USP42: variants seen among roughly 807,000 people sequenced by gnomAD.
USP42 encodes the protein ubiquitin specific peptidase 42.
USP42 carries 23 observed loss-of-function variants against 113.0 expected under a neutral mutation model. The observed-to-expected ratio is 0.20, with a 90% CI of 0.15 to 0.29. USP42 has a LOEUF of 0.29. Ranked by LOEUF, USP42 falls within the 10% of genes least tolerant of loss-of-function variation. The probability of loss-of-function intolerance (pLI) is 1.00; values close to 1 mark genes in which losing one functional copy is unlikely to be tolerated. For missense variants in USP42, 2,174 were observed against 1,779.8 expected, an observed-to-expected ratio of 1.22 and a Z score of -3.99; for synonymous variants, 933 against 699.0, an observed-to-expected ratio of 1.33 and a Z score of -5.28.
Position 6,158,770 on chromosome 7 carries a change from C to G in USP42, c.3944-680C>G, listed in dbSNP as rs539467163. Among the ~76,000 whole-genome samples, 1 of 152,306 alleles carries G rather than the reference C, an allele frequency of 6.6e-6. No individual in the cohort carries two copies. Among genetic ancestry groups the G allele is most frequent in the African/African-American group, 2.4e-5 (1 of 41,568 alleles). The stretch of plus-strand genomic sequence containing the variant: ...TGAGGGCTGCTTGGTACCCGAGGAT[C>G]CGAGGATGCAGTGGATGGGCTCATT... On this transcript the variant is annotated intron_variant, in intron 16 of 17. Coordinates refer to ENST00000306177, the MANE Select transcript of USP42 (RefSeq NM_032172.3). This position sits in a 1 kb window ranked among gnomAD's most constrained non-coding sequence, Gnocchi z 4.2.
chr7:6,089,279 C>G, the USP42 span, among the ~76,000 whole-genome samples: 1 of 148,092 alleles, frequency 6.8e-6, no homozygotes, highest in Non-Finnish European at 1.5e-5. Context: ...ATCTTGAACT[C>G]CTGATCTTAG....
chr7:6,119,157 G>T (rs1252075708), intron 3 of USP42, among the ~76,000 whole-genome samples: 1 of 152,128 alleles, frequency 6.6e-6, no homozygotes, highest in African/African-American at 2.4e-5. Context: ...TGAGGCTGCC[G>T]TGAGCTATGA....
chr7:6,126,220 G>T (rs1780533671), intron 3 of USP42, among the ~76,000 whole-genome samples: 1 of 151,856 alleles, frequency 6.6e-6, no homozygotes, highest in Admixed American at 6.6e-5. Context: ...ATTGATCCAG[G>T]TCGTTGCATG....
At chr7:6,100,313 G>T (rs1297354704), upstream of USP42, among the ~76,000 whole-genome samples, 1 of 148,582 alleles carries the variant, frequency 6.7e-6, no homozygotes, top group Non-Finnish European at 1.5e-5. Context: ...CCATTGCCTG[G>T]AGATTTATTT....
rs749248742 is a variant in USP42 at position 6,155,073 on chromosome 7, T to C, written c.3519T>C (p.His1173=). Reference sequence around the variant, plus strand: ...ACAGTGTGGAGAACAGTGACAGTCATGTTGAAAAGAAAGCCCGGAGGAGCG... The same window carrying C: ...ACAGTGTGGAGAACAGTGACAGTCACGTTGAAAAGAAAGCCCGGAGGAGCG... ...RHDSVENSDS[H]VEKKARRSEQ... Residue 1173 remains histidine (H), a synonymous_variant, in exon 15 of 18, where the codon CAT becomes CAC. Transcript: ENST00000306177. The C allele has an allele frequency of 7.9e-5, 123 of 1,563,218 alleles. No individual in the cohort carries two copies. Among genetic ancestry groups the C allele is most frequent in the Non-Finnish European group, 9.9e-5 (114 of 1,154,006 alleles).
At position 6,154,875 on chromosome 7, in the gene USP42, G is replaced by C. The variant is rs1260321063; in HGVS notation, c.3321G>C (p.Arg1107=). 3.9e-6 allele frequency: 6 copies of C among 1,529,022 alleles called. No homozygotes were observed. The highest frequency in any genetic ancestry group is 1.7e-4 in the Middle Eastern group (1 of 5,800). 94.7% of individuals were successfully genotyped at this position (1,529,022 alleles called of 1,614,324 possible). ...NRGRRGCEPA[R]ERERHRPSSP... The stretch of plus-strand genomic sequence containing the variant: ...GCCGTAGGGGCTGCGAGCCGGCCCG[G>C]GAGAGGGAGCGGCACCGCCCCAGCA... Residue 1107 remains arginine (R), a synonymous_variant, in exon 15 of 18, where the codon CGG becomes CGC. Transcript: ENST00000306177.
chr7:6,155,757 C>G (rs891553068), intron 15 of USP42, among the ~76,000 whole-genome samples: 1 of 152,052 alleles, frequency 6.6e-6, no homozygotes, highest in African/African-American at 2.4e-5. Flanking sequence ...AAATTTGCTT[C>G]TGTATTTTTT....
At chr7:6,113,054 C>T (rs1410350128) in intron 2 of USP42, among the ~76,000 whole-genome samples, 2 of 151,860 alleles carry the variant, frequency 1.3e-5, no homozygotes, top group Non-Finnish European at 2.9e-5. Context: ...CAGGTGCGCG[C>T]CACCATGCCC....
At chr7:6,084,141 C>T in the USP42 span, among the ~76,000 whole-genome samples, 1 of 151,260 alleles carries the variant, frequency 6.6e-6, no homozygotes, top group Non-Finnish European at 1.5e-5. Context: ...ATTCTCCTGC[C>T]TCAGCCTCCT....
upstream of USP42, among the ~76,000 whole-genome samples, chr7:6,100,501 TGTATTTTTA>T (rs1276491885): frequency 6.7e-6 from 1 of 150,374 alleles, no homozygotes; most frequent in East Asian, 1.9e-4. Flanking sequence ...GGCTAATTTT[TGTATTTTTA>T]GTAGAGACGG....
intron 3 of USP42, among the ~76,000 whole-genome samples, chr7:6,123,982 C>T (rs1780382257): frequency 6.6e-6 from 1 of 151,932 alleles, no homozygotes. Context: ...TTCAACTCTG[C>T]CTCCTGCCTC....
chr7:6,154,644 G>T lies in USP42; in HGVS notation c.3090G>T (p.Leu1030=). 6.2e-7 allele frequency: 1 copy of T among 1,605,438 alleles called. No homozygotes were observed. The change falls in exon 15 of 18, where the codon CTG becomes CTT. Residue 1030 remains leucine, a synonymous_variant. Coordinates refer to ENST00000306177, the MANE Select transcript of USP42 (RefSeq NM_032172.3). ...CCCGACACCGGAGCGGGGTGGAGCT[G>T]GACTGGGTCAGACACCACTACACCG... The part of the protein sequence containing the change: ...HHSRHRSGVE[L]DWVRHHYTEG...
At chr7:6,153,583 T>C (rs954366087) in intron 14 of USP42, among the ~76,000 whole-genome samples, 173 bp from the exon 15 acceptor site, 5 of 152,168 alleles carry the variant, frequency 3.3e-5, no homozygotes, top group Non-Finnish European at 7.4e-5. Context: ...CGTATACATA[T>C]GTAACTAACC....
At chr7:6,130,493 G>A (rs1046143181) in intron 3 of USP42, among the ~76,000 whole-genome samples, 6 of 152,232 alleles carry the variant, frequency 3.9e-5, no homozygotes, top group African/African-American at 1.2e-4. Flanking sequence ...ACTACTGGGT[G>A]GGTGGAAATC....
intron 14 of USP42, chr7:6,152,965 A>T (rs577297995): frequency 2.0e-6 from 2 of 985,336 alleles, no homozygotes; most frequent in East Asian, 2.3e-4. Context: ...AGTCTTAGTT[A>T]TTAGGAAGAA....
chr7:6,159,211 G>A lies in USP42; in HGVS notation c.3944-239G>A, dbSNP rs537119107. ...GGCCTGATATCTGTTCTAACATCAG[G>A]CTGCGTGTGGGTTGGATGGAGCCCT... On this transcript the variant is annotated intron_variant, in intron 16 of 17. Coordinates refer to ENST00000306177, the MANE Select transcript of USP42 (RefSeq NM_032172.3). This position sits in a 1 kb window ranked among gnomAD's most constrained non-coding sequence, Gnocchi z 4.1. 6.6e-6 allele frequency among the ~76,000 whole-genome samples: 1 copy of A among 152,252 alleles called. No homozygotes were observed. The highest frequency in any genetic ancestry group is 2.1e-4 in the South Asian group (1 of 4,828).
At position 6,150,504 on chromosome 7, in the gene USP42, G is replaced by A. The variant is rs372021498; in HGVS notation, c.2199G>A (p.Met733Ile). 5.6e-6 allele frequency: 9 copies of A among 1,613,808 alleles called. No individual in the cohort carries two copies. In the African/African-American group the frequency reaches 1.1e-4, roughly 19 times the overall value. The change falls in exon 14 of 18, where the codon ATG becomes ATA. Residue 733 changes from methionine to isoleucine, a missense_variant and splice_region_variant. Transcript: ENST00000306177. ...SNKLKGSTDE[M>I]SAPGAERGPP... is the part of the protein sequence containing the mutation. ...AACTGAAAGGCTCGACGGATGAAAT[G>A]AGGTAACGTAAGAGTACATCTGAGG... is the stretch of plus-strand genomic sequence containing the variant.
chr7:6,101,635 AGAGT>A (rs981519283), upstream of USP42, among the ~76,000 whole-genome samples: 93 of 151,228 alleles, frequency 6.1e-4, 6 homozygotes, highest in African/African-American at 2.1e-3. Context: ...CCAGTTTGCT[AGAGT>A]AAGTGGTGCT....
Position 6,150,305 on chromosome 7 carries a change from G to T in USP42, c.2106+3G>T. 6.2e-7 allele frequency: 1 copy of T among 1,612,860 alleles called. No individual in the cohort carries two copies. The highest frequency in any genetic ancestry group is 1.1e-5 in the South Asian group (1 of 90,976). On this transcript the variant is annotated splice_donor_region_variant and intron_variant, in intron 13 of 17. Coordinates refer to ENST00000306177, the MANE Select transcript of USP42 (RefSeq NM_032172.3). ...AGGCAAACGGTCTTCCTGGAAAGGTGAGTGCACGTCAGGGTCTTCAGCCTC... is the reference window on the plus strand; with the variant it reads ...AGGCAAACGGTCTTCCTGGAAAGGTTAGTGCACGTCAGGGTCTTCAGCCTC...
Sources: gnomAD v4.1 joint callset for allele counts (sites outside exome capture counted in the v4.1 genomes callset) on GRCh38, gnomAD v4.1.1 for gene constraint, Gnocchi (gnomAD v3.1) non-coding constraint, MANE v1.5 for transcripts, NCBI Gene and HGNC (gene_info 2026-07-23, HGNC 2026-07-21) for gene names.